Variants in SMYD3 observed in about 807,000 individuals in gnomAD.
SMYD3 encodes SET and MYND domain containing 3, also known as histone-lysine N-methyltransferase SMYD3.
In SMYD3, 36 loss-of-function variants were observed where a neutral mutation model predicts 57.7. The observed-to-expected ratio is 0.62, with a 90% CI of 0.48 to 0.82. The LOEUF (loss-of-function observed/expected upper bound fraction) is 0.82. Among genes scored for constraint, SMYD3 ranks in the 40% least tolerant of loss-of-function variants. The pLI is 0.00. For synonymous variants in SMYD3, 211 were observed against 195.0 expected, an observed-to-expected ratio of 1.08 and a Z score of -0.68; for missense variants, 515 against 538.8, an observed-to-expected ratio of 0.96 and a Z score of 0.44.
intron 5 of SMYD3, among the ~76,000 whole-genome samples, chr1:246,005,586 T>C (rs752409577): frequency 1.3e-5 from 2 of 152,156 alleles, no homozygotes; most frequent in Non-Finnish European, 2.9e-5. Context: ...TCAGCTGGAA[T>C]ACAGCAGGGC....
intron 1 of SMYD3, among the ~76,000 whole-genome samples, chr1:246,449,844 T>A (rs2067605037): frequency 6.6e-6 from 1 of 152,146 alleles, no homozygotes; most frequent in African/African-American, 2.4e-5. Flanking sequence ...ACGTTAGGTG[T>A]GGAAAGGTTT....
rs149243956 is a variant in SMYD3, at chr1:246,107,316, A to C, written c.532-177379T>G. ...AAAGAAAAAAAAAAAGAATTTTGAA[A>C]TGGAAATGTATCTATTTTTCCTTTC... On this transcript the variant is annotated intron_variant, in intron 5 of 11. Coordinates refer to ENST00000490107, the MANE Select transcript of SMYD3 (RefSeq NM_001167740.2). Among the ~76,000 whole-genome samples the C allele has an allele frequency of 1.7e-3, 258 of 152,262 alleles. 2 individuals carry two copies. The highest frequency in any genetic ancestry group is 5.9e-3 in the African/African-American group (245 of 41,562).
At chr1:245,854,649 C>T (rs181614660) in intron 10 of SMYD3, among the ~76,000 whole-genome samples, 1 of 152,050 alleles carries the variant, frequency 6.6e-6, no homozygotes, top group Non-Finnish European at 1.5e-5. Flanking sequence ...GCTTGGCTTC[C>T]CTTCCTTTTC....
At chr1:246,024,012 G>A (rs2059527533) in intron 5 of SMYD3, among the ~76,000 whole-genome samples, 1 of 151,900 alleles carries the variant, frequency 6.6e-6, no homozygotes, top group African/African-American at 2.4e-5. Context: ...TAGGTGGGAG[G>A]GGATAAAATG....
rs2067721240 is a variant in SMYD3, at chr1:246,457,550, AAAAGAAAAG to A, written c.164+49495_164+49503del. 9.2e-5 allele frequency among the ~76,000 whole-genome samples: 7 copies of A among 75,744 alleles called. No individual in the cohort carries two copies. In the South Asian group the frequency reaches 1.5e-3, roughly 16 times the overall value. The allele number at this position is 75,744 out of a possible 152,430, so 49.7% of individuals were successfully genotyped here. ...TCTGCCTCAAAAAAAAAAAAAAAAG[AAAAGAAAAG>A]AAAAGAAAAGAAAAGAAAAAGAAAA... On this transcript the variant is annotated intron_variant, in intron 1 of 11. Coordinates refer to ENST00000490107, the MANE Select transcript of SMYD3 (RefSeq NM_001167740.2).
chr1:246,094,504 TGGATACTTG>T (rs2060879248), intron 5 of SMYD3, among the ~76,000 whole-genome samples: 1 of 152,228 alleles, frequency 6.6e-6, no homozygotes, highest in Non-Finnish European at 1.5e-5. Context: ...TTAGTGTATC[TGGATACTTG>T]GGGCTCTCTC....
chr1:245,756,599 T>C (rs752095858), intron 11 of SMYD3, among the ~76,000 whole-genome samples: 52 of 152,270 alleles, frequency 3.4e-4, no homozygotes, highest in Admixed American at 2.1e-3. Flanking sequence ...TTCTTCTTCA[T>C]TCCTGAAGGA....
intron 1 of SMYD3, among the ~76,000 whole-genome samples, chr1:246,384,602 G>A (rs552200048): frequency 5.3e-4 from 80 of 152,202 alleles, no homozygotes; most frequent in South Asian, 1.0e-3. Flanking sequence ...TCACCATGTT[G>A]GCCAGGCTGT....
At chr1:245,863,583 G>C (rs2148492959) in intron 9 of SMYD3, among the ~76,000 whole-genome samples, 1 of 152,264 alleles carries the variant, frequency 6.6e-6, no homozygotes, top group Middle Eastern at 3.4e-3. Context: ...CCTAACGGTA[G>C]TGAGTTATTA....
At chr1:245,756,931 T>C (rs1402807282) in intron 11 of SMYD3, among the ~76,000 whole-genome samples, 2 of 152,016 alleles carry the variant, frequency 1.3e-5, no homozygotes, top group Non-Finnish European at 2.9e-5. Flanking sequence ...GCCTGCCAAA[T>C]TTGCAAAGTT....
chr1:246,241,548 A>C (rs2063610807), intron 5 of SMYD3, among the ~76,000 whole-genome samples: 2 of 152,312 alleles, frequency 1.3e-5, no homozygotes, highest in Middle Eastern at 3.4e-3. Context: ...TTGGTCTAAA[A>C]TTATCTTTTT....
At chr1:246,163,754 C>T (rs1320554658) in intron 5 of SMYD3, among the ~76,000 whole-genome samples, 4 of 152,160 alleles carry the variant, frequency 2.6e-5, no homozygotes, top group African/African-American at 7.2e-5. Flanking sequence ...AACAGGAAAT[C>T]GGCAATGATA....
chr1:245,967,697 G>C (rs988637772), intron 5 of SMYD3, among the ~76,000 whole-genome samples: 1 of 152,154 alleles, frequency 6.6e-6, no homozygotes, highest in Non-Finnish European at 1.5e-5. Context: ...CAGACCAGAG[G>C]GCAGACATAA....
chr1:246,483,988 A>G (rs2068149110), intron 1 of SMYD3, among the ~76,000 whole-genome samples: 1 of 150,422 alleles, frequency 6.6e-6, no homozygotes, highest in Non-Finnish European at 1.5e-5. Flanking sequence ...AGTTACACCT[A>G]AAAACACATC....
chr1:246,101,498 G>A (rs1340910982), intron 5 of SMYD3, among the ~76,000 whole-genome samples: 1 of 152,104 alleles, frequency 6.6e-6, no homozygotes, highest in East Asian at 1.9e-4. Context: ...GCTACCTGCA[G>A]TATTTTTATC....
intron 8 of SMYD3, among the ~76,000 whole-genome samples, chr1:245,883,042 T>C (rs1432878212): frequency 6.6e-6 from 1 of 152,238 alleles, no homozygotes; most frequent in Non-Finnish European, 1.5e-5. Flanking sequence ...ACCCAGTAAT[T>C]GCCCATAATT....
intron 1 of SMYD3, among the ~76,000 whole-genome samples, chr1:246,366,595 G>A (rs940159086): frequency 5.9e-5 from 9 of 151,510 alleles, no homozygotes; most frequent in Non-Finnish European, 1.3e-4. Flanking sequence ...AAGCAAGAGG[G>A]CCACATCTGT....
chr1:246,413,910 A>G (rs899416149), intron 1 of SMYD3, among the ~76,000 whole-genome samples: 1 of 152,220 alleles, frequency 6.6e-6, no homozygotes, highest in South Asian at 2.1e-4. Context: ...ATTTTTGTTT[A>G]GTCCACAAGT....
intron 8 of SMYD3, among the ~76,000 whole-genome samples, chr1:245,914,142 T>C (rs1423234389): frequency 6.6e-6 from 1 of 152,196 alleles, no homozygotes; most frequent in Non-Finnish European, 1.5e-5. Flanking sequence ...CTGCCATTAC[T>C]TTTAATGGCA....
Sources: gnomAD v4.1 joint callset for allele counts (sites outside exome capture counted in the v4.1 genomes callset) on GRCh38, gnomAD v4.1.1 for gene constraint, MANE v1.5 for transcripts, NCBI Gene and HGNC (gene_info 2026-07-23, HGNC 2026-07-21) for gene names.